CUL3: variants seen among roughly 807,000 people sequenced by gnomAD.
The protein encoded by CUL3 is cullin 3.
In CUL3, 19 loss-of-function variants were observed where a neutral mutation model predicts 89.1. The ratio of observed to expected loss-of-function variants is 0.21; its 90% CI spans 0.15 to 0.31. The LOEUF (loss-of-function observed/expected upper bound fraction) is 0.31. Among genes scored for constraint, CUL3 ranks in the 10% least tolerant of loss-of-function variants. CUL3 has a pLI of 1.00. For missense variants in CUL3, 469 were observed against 942.3 expected (o/e 0.50, Z 6.58); for synonymous variants, 351 against 308.4 (o/e 1.14, Z -1.45).
chr2:224,584,848 G>A (rs1416367794), intron 1 of CUL3, 96 bp downstream of exon 1: 7 of 863,288 alleles, frequency 8.1e-6, no homozygotes, highest in South Asian at 2.2e-5. Flanking sequence ...GGGAGGCCGG[G>A]CCTGCGGCCT....
At chr2:224,561,743 C>A (rs1174464741) in intron 1 of CUL3, among the ~76,000 whole-genome samples, 1 of 152,056 alleles carries the variant, frequency 6.6e-6, no homozygotes, top group African/African-American at 2.4e-5. Flanking sequence ...TGTACTGATG[C>A]GGCTAACTTT....
At chr2:224,508,789 T>C (rs186132679) in intron 6 of CUL3, among the ~76,000 whole-genome samples, 16 of 151,328 alleles carry the variant, frequency 1.1e-4, no homozygotes, top group Admixed American at 2.6e-4. Context: ...GAAACCCCCC[T>C]GTCTTTAATA....
intron 7 of CUL3, among the ~76,000 whole-genome samples, 174 bp downstream of exon 7, chr2:224,506,684 T>C (rs1692615006): frequency 1.3e-5 from 2 of 152,198 alleles, no homozygotes; most frequent in South Asian, 2.1e-4. Flanking sequence ...CTCCCTGATA[T>C]AAATACGCAC....
chr2:224,500,624 TTTC>T, intron 10 of CUL3, 137 bp from the exon 11 acceptor site: 4 of 771,306 alleles, frequency 5.2e-6, no homozygotes, highest in South Asian at 5.5e-5. Context: ...CAGATTTTCT[TTTC>T]TTTTTTTTTT....
intron 3 of CUL3, among the ~76,000 whole-genome samples, chr2:224,522,656 T>C (rs1252176693): frequency 6.6e-6 from 1 of 152,060 alleles, no homozygotes; most frequent in East Asian, 1.9e-4. Flanking sequence ...TGAAACCCCA[T>C]CTCTACTAAA....
At chr2:224,529,847 C>T (rs1693626400) in intron 3 of CUL3, among the ~76,000 whole-genome samples, 1 of 152,128 alleles carries the variant, frequency 6.6e-6, no homozygotes, top group South Asian at 2.1e-4. Flanking sequence ...CAATCGTTAC[C>T]TCCATGTAAC....
intron 13 of CUL3, among the ~76,000 whole-genome samples, chr2:224,489,483 G>A (rs1343588607): frequency 1.3e-5 from 2 of 152,114 alleles, no homozygotes; most frequent in Non-Finnish European, 2.9e-5. Context: ...GCCAAATCAC[G>A]AGTGAACTCC....
At chr2:224,500,673 C>A (rs935190621) in intron 10 of CUL3, among the ~76,000 whole-genome samples, 186 bp from the exon 11 acceptor site, 1 of 150,012 alleles carries the variant, frequency 6.7e-6, no homozygotes, top group Non-Finnish European at 1.5e-5. Context: ...TTGCCCAGGC[C>A]GGAATGCAAT....
At chr2:224,535,415 C>T (rs971177063) in intron 3 of CUL3, 113 bp downstream of exon 3, 35 of 617,438 alleles carry the variant, frequency 5.7e-5, no homozygotes, top group Non-Finnish European at 9.4e-5. Context: ...AATGATATGC[C>T]CACCTTGGCC....
rs761863906 is a variant in CUL3, at chr2:224,513,536, T to C, written c.642A>G (p.Ala214=). 5 of 1,581,500 alleles carry C rather than the reference T, an allele frequency of 3.2e-6. No homozygotes were observed. In the South Asian group the frequency reaches 4.7e-5, roughly 15 times the overall value. ...TTTCACGGATTACCTGAAAAAATTC[T>C]GCAGACATTTCCAAAAAAGGAGCCT... ...DFEAPFLEMS[A]EFFQMESQKF... The change falls in exon 5 of 16, where the codon GCA becomes GCG. Residue 214 remains alanine, a synonymous_variant. Transcript: ENST00000264414.
intron 2 of CUL3, among the ~76,000 whole-genome samples, chr2:224,540,849 T>A (rs557711229): frequency 1.3e-5 from 2 of 152,294 alleles, no homozygotes; most frequent in African/African-American, 2.4e-5. Flanking sequence ...TGTGTTGTTC[T>A]CTTCTGTGTC....
chr2:224,503,021 T>G lies in CUL3; in HGVS notation c.1429A>C (p.Met477Leu). 1 of 1,614,072 alleles carries G rather than the reference T, an allele frequency of 6.2e-7. No individual in the cohort carries two copies. The highest frequency in any genetic ancestry group is 8.5e-7 in the Non-Finnish European group (1 of 1,179,918). The change falls in exon 10 of 16, where the codon ATG becomes CTG. Residue 477 changes from methionine (M) to leucine (L), a missense_variant. This residue lies in a region of CUL3 where 370 missense variants were observed against 733.2 expected (regional missense o/e 0.50). Transcript: ENST00000264414. ...TCCATCGTTGTGTTTGAGATGCTCA[T>G]ATCCCTAAACATTCCTTCCAGTTTT... is the stretch of plus-strand genomic sequence containing the variant. ...TSKLEGMFRDMSISNTTMDEF... is the reference protein window; with the variant it reads ...TSKLEGMFRDLSISNTTMDEF...
intron 6 of CUL3, 132 bp downstream of exon 6, chr2:224,511,222 A>G (rs1692814002): frequency 1.6e-6 from 1 of 610,166 alleles, no homozygotes; most frequent in Non-Finnish European, 2.8e-6. Context: ...AAAGTTAACA[A>G]TGGAGACAAA....
intron 1 of CUL3, among the ~76,000 whole-genome samples, chr2:224,578,289 T>C (rs1221082675): frequency 4.6e-5 from 7 of 152,158 alleles, no homozygotes; most frequent in Admixed American, 3.9e-4. Context: ...TGAAGTATGA[T>C]AGTCATTAAA....
At chr2:224,496,220 G>A (rs1358337395) in intron 12 of CUL3, among the ~76,000 whole-genome samples, 1 of 152,068 alleles carries the variant, frequency 6.6e-6, no homozygotes, top group African/African-American at 2.4e-5. Context: ...TTGTAGAAAC[G>A]GGGTTTTGCC....
chr2:224,498,130 C>A (rs556589852), intron 11 of CUL3, among the ~76,000 whole-genome samples: 1 of 152,200 alleles, frequency 6.6e-6, no homozygotes, highest in East Asian at 1.9e-4. Flanking sequence ...TCAGCCCTTG[C>A]TGTTCTTAAG....
At chr2:224,562,906 A>G (rs1309239657) in intron 1 of CUL3, 1 of 178,126 alleles carries the variant, frequency 5.6e-6, no homozygotes, top group Non-Finnish European at 1.2e-5. Flanking sequence ...GTTACTCACA[A>G]GCCATGTGAC....
intron 1 of CUL3, among the ~76,000 whole-genome samples, chr2:224,578,407 AT>A (rs1417734104): frequency 6.6e-6 from 1 of 152,182 alleles, no homozygotes; most frequent in Non-Finnish European, 1.5e-5. Flanking sequence ...TGAAATTAAA[AT>A]TCCAAAAACA....
chr2:224,544,775 G>A (rs1175006949), intron 2 of CUL3, among the ~76,000 whole-genome samples: 1 of 150,538 alleles, frequency 6.6e-6, no homozygotes, highest in African/African-American at 2.4e-5. Flanking sequence ...ATCCCAATGG[G>A]AGACAAGCCA....
Sources: gnomAD v4.1 joint callset for allele counts (sites outside exome capture counted in the v4.1 genomes callset) on GRCh38, gnomAD v4.1.1 for gene constraint, gnomAD v4.1.1 regional missense constraint, MANE v1.5 for transcripts, NCBI Gene and HGNC (gene_info 2026-07-23, HGNC 2026-07-21) for gene names.